ADAMTS20: variants seen among roughly 807,000 people sequenced by gnomAD.
The protein encoded by ADAMTS20 is ADAM metallopeptidase with thrombospondin type 1 motif 20, also known as A disintegrin and metalloproteinase with thrombospondin motifs 20.
ADAMTS20 carries 225 observed loss-of-function variants against 260.1 expected under a neutral mutation model. The ratio of observed to expected loss-of-function variants is 0.87; its 90% confidence interval spans 0.78 to 0.97. ADAMTS20 has a LOEUF of 0.97. ADAMTS20 is among the 50% of genes least tolerant of loss of function. ADAMTS20 has a pLI of 0.00. For synonymous variants in ADAMTS20, 802 were observed against 769.5 expected, an observed-to-expected ratio of 1.04 and a Z score of -0.70; for missense variants, 2,400 against 2,337.7, an observed-to-expected ratio of 1.03 and a Z score of -0.55.
chr12:43,353,988 A>G lies in ADAMTS20; in HGVS notation c.*221T>C, dbSNP rs1253117909. The stretch of plus-strand genomic sequence containing the variant: ...TATAAATTATTATGTTCTTTAAAAA[A>G]TATCCTGATTAGATATAAAATAAAT... On this transcript the variant is annotated 3_prime_UTR_variant, in exon 39 of 39. Coordinates refer to ENST00000389420, the MANE Select transcript of ADAMTS20 (RefSeq NM_025003.5). The G allele has an allele frequency of 2.8e-6, 1 of 352,820 alleles. No individual in the cohort carries two copies. Among genetic ancestry groups the G allele is most frequent in the Non-Finnish European group, 5.1e-6 (1 of 194,312 alleles). 21.9% of individuals were successfully genotyped at this position (352,820 alleles called of 1,614,324 possible). A position where few individuals can be genotyped will look rare whatever the true frequency, so the allele number is the denominator to read the frequency against.
intron 2 of ADAMTS20, among the ~76,000 whole-genome samples, chr12:43,543,707 T>C (rs1368815817): frequency 6.6e-6 from 1 of 152,172 alleles, no homozygotes; most frequent in South Asian, 2.1e-4. Context: ...CAGCCTGTAA[T>C]AAAGACTATT....
In ADAMTS20 at chr12:43,502,342, T is replaced by C; in HGVS notation, c.677A>G (p.Asn226Ser). Residue 226 changes from asparagine (N) to serine (S), a missense_variant, in exon 4 of 39, where the codon AAT becomes AGT. By Grantham distance (46) the Asn-to-Ser change is conservative. Coordinates refer to ENST00000389420, the MANE Select transcript of ADAMTS20 (RefSeq NM_025003.5). The part of the protein sequence containing the change: ...HTYSNMNEDL[N>S]VMKERVLGHT... Reference sequence around the variant, plus strand: ...TCCTAAAACTCTTTCTTTCATTACATTAAGATCTTCATTCATGTTGCTGTA... The same window carrying C: ...TCCTAAAACTCTTTCTTTCATTACACTAAGATCTTCATTCATGTTGCTGTA... 1 of 1,609,888 alleles carries C rather than the reference T, an allele frequency of 6.2e-7. No individual in the cohort carries two copies.
chr12:43,416,527 T>TTTA (rs1193483268), intron 28 of ADAMTS20, among the ~76,000 whole-genome samples: 1 of 149,618 alleles, frequency 6.7e-6, no homozygotes, highest in East Asian at 2.0e-4. Flanking sequence ...AACTGACCTT[T>TTTA]TTTTTTTTTT....
chr12:43,501,473 G>C (rs148188252), intron 4 of ADAMTS20, among the ~76,000 whole-genome samples: 1 of 55,480 alleles, frequency 1.8e-5, no homozygotes, highest in East Asian at 7.1e-4. Context: ...GCGCGCGCGC[G>C]CGCGCGCGCA....
intron 11 of ADAMTS20, 62 bp from the exon 12 acceptor site, chr12:43,454,114 T>G (rs1941921726): frequency 1.3e-6 from 2 of 1,552,072 alleles, no homozygotes; most frequent in African/African-American, 2.8e-5. Flanking sequence ...ATCACAAAAA[T>G]TATAATAGCA....
chr12:43,402,452 C>T (rs1447152266), intron 28 of ADAMTS20, among the ~76,000 whole-genome samples: 2 of 151,872 alleles, frequency 1.3e-5, no homozygotes, highest in Non-Finnish European at 2.9e-5. Context: ...AGATTCTATC[C>T]TCAAGATTTA....
At chr12:43,393,897 T>C (rs1940646916) in intron 29 of ADAMTS20, among the ~76,000 whole-genome samples, 1 of 152,092 alleles carries the variant, frequency 6.6e-6, no homozygotes, top group East Asian at 1.9e-4. Context: ...TTCACCGTAT[T>C]GTGAAAGCAG....
intron 7 of ADAMTS20, among the ~76,000 whole-genome samples, chr12:43,474,434 T>A (rs1028233335): frequency 2.0e-5 from 3 of 150,826 alleles, no homozygotes; most frequent in Non-Finnish European, 3.0e-5. Flanking sequence ...GTACCATTCC[T>A]TGTGAAACTA....
intron 11 of ADAMTS20, among the ~76,000 whole-genome samples, chr12:43,458,469 CTCT>C (rs942438028): frequency 1.3e-5 from 2 of 152,184 alleles, no homozygotes; most frequent in African/African-American, 4.8e-5. Flanking sequence ...GTCCTCCTTG[CTCT>C]TCTTTGAATA....
chr12:43,526,791 AC>A (rs1182602451), intron 3 of ADAMTS20, among the ~76,000 whole-genome samples: 13 of 152,330 alleles, frequency 8.5e-5, no homozygotes, highest in South Asian at 4.1e-4. Flanking sequence ...AGAAATAAGA[AC>A]AAACTAAATC....
chr12:43,528,225 T>C (rs1943169118), intron 3 of ADAMTS20, among the ~76,000 whole-genome samples: 1 of 151,680 alleles, frequency 6.6e-6, no homozygotes, highest in South Asian at 2.1e-4. Flanking sequence ...CCCATGCTCA[T>C]GGATTGGAAA....
intron 8 of ADAMTS20, 149 bp downstream of exon 8, chr12:43,468,451 C>G: frequency 1.6e-6 from 1 of 615,156 alleles, no homozygotes; most frequent in South Asian, 1.9e-5. Flanking sequence ...CACAAAAGAG[C>G]CAGAGTTAGC....
intron 3 of ADAMTS20, among the ~76,000 whole-genome samples, chr12:43,526,215 G>A (rs1187362957): frequency 1.3e-5 from 2 of 152,200 alleles, no homozygotes. Context: ...CAGCACTACG[G>A]GAGGCCGAGG....
chr12:43,529,058 C>A (rs1457326763), intron 3 of ADAMTS20, among the ~76,000 whole-genome samples: 1 of 152,080 alleles, frequency 6.6e-6, no homozygotes, highest in South Asian at 2.1e-4. Context: ...AAGTGCTCAA[C>A]ATCACTAATC....
chr12:43,550,539 G>C (rs1212202333), intron 2 of ADAMTS20, among the ~76,000 whole-genome samples: 1 of 152,038 alleles, frequency 6.6e-6, no homozygotes, highest in African/African-American at 2.4e-5. Flanking sequence ...GTAAATCCGG[G>C]GGATTCTGCC....
chr12:43,504,685 A>T (rs970219239), intron 3 of ADAMTS20, among the ~76,000 whole-genome samples: 6 of 152,228 alleles, frequency 3.9e-5, no homozygotes, highest in Non-Finnish European at 7.3e-5. Flanking sequence ...ATCAGGAAAC[A>T]TTTAGGTATT....
chr12:43,379,161 C>G (rs965068933), intron 31 of ADAMTS20, among the ~76,000 whole-genome samples: 3 of 152,136 alleles, frequency 2.0e-5, no homozygotes, highest in Non-Finnish European at 2.9e-5. Flanking sequence ...TGGAAGACCC[C>G]ACTTGCAAGA....
chr12:43,381,486 A>T lies in ADAMTS20; in HGVS notation c.4797+2072T>A, dbSNP rs146539480. On this transcript the variant is annotated intron_variant, in intron 31 of 38. Coordinates refer to ENST00000389420, the MANE Select transcript of ADAMTS20 (RefSeq NM_025003.5). ...TATATAAATAATTTACAACTCACCC[A>T]GTGAAAAAATGAGCAGCCAGGCATG... 7.8e-4 allele frequency among the ~76,000 whole-genome samples: 119 copies of T among 152,130 alleles called. No individual in the cohort carries two copies. In the East Asian group the frequency reaches 0.014, roughly 17 times the overall value.
intron 3 of ADAMTS20, among the ~76,000 whole-genome samples, chr12:43,516,947 T>C (rs1943007382): frequency 1.3e-5 from 2 of 152,090 alleles, no homozygotes; most frequent in South Asian, 2.1e-4. Flanking sequence ...TAAAAGGAAA[T>C]ATGTATATTT....
Sources: allele counts gnomAD v4.1 joint callset (sites outside exome capture counted in the v4.1 genomes callset), GRCh38; gene constraint gnomAD v4.1.1; transcripts MANE v1.5; gene names NCBI Gene and HGNC (gene_info 2026-07-23, HGNC 2026-07-21).